Variants in TASP1 observed in about 807,000 individuals in gnomAD.
TASP1 encodes the protein threonine aspartase 1.
TASP1 carries 16 observed loss-of-function variants against 56.6 expected under a neutral mutation model. The ratio of observed to expected loss-of-function variants is 0.28; its 90% CI spans 0.19 to 0.43. TASP1 has a LOEUF of 0.43. TASP1 is among the 20% of genes least tolerant of loss of function. TASP1 has a pLI of 1.00. For missense variants in TASP1, 393 were observed against 511.6 expected, an observed-to-expected ratio of 0.77 and a Z score of 2.24; for synonymous variants, 179 against 184.2, an observed-to-expected ratio of 0.97 and a Z score of 0.23.
the TASP1 span, among the ~76,000 whole-genome samples, chr20:13,242,090 G>A: frequency 2.0e-5 from 3 of 152,166 alleles, no homozygotes; most frequent in Non-Finnish European, 4.4e-5. Context: ...TTAAAAGAAT[G>A]GAAAGTGTCT....
At chr20:13,133,566 T>G in the TASP1 span, among the ~76,000 whole-genome samples, 1 of 152,074 alleles carries the variant, frequency 6.6e-6, no homozygotes, top group Non-Finnish European at 1.5e-5. Flanking sequence ...AAACCCCGTC[T>G]CTACTAAAAA....
At chr20:13,203,463 G>C in the TASP1 span, among the ~76,000 whole-genome samples, 1 of 152,144 alleles carries the variant, frequency 6.6e-6, no homozygotes, top group Non-Finnish European at 1.5e-5. Context: ...CAAACTTTAG[G>C]ATCTTGTTCA....
chr20:13,451,425 G>A (rs113108723), intron 11 of TASP1, among the ~76,000 whole-genome samples: 12 of 152,188 alleles, frequency 7.9e-5, no homozygotes, highest in African/African-American at 2.9e-4. Context: ...AAAATCTGTT[G>A]TTTAGTGTAG....
At chr20:13,472,791 T>C (rs994288551) in intron 11 of TASP1, among the ~76,000 whole-genome samples, 1 of 151,086 alleles carries the variant, frequency 6.6e-6, no homozygotes, top group Non-Finnish European at 1.5e-5. Flanking sequence ...TGAGATACCA[T>C]CTCACACCAG....
chr20:13,491,139 AC>A (rs2043512088), intron 10 of TASP1, among the ~76,000 whole-genome samples: 1 of 152,186 alleles, frequency 6.6e-6, no homozygotes, highest in Admixed American at 6.6e-5. Context: ...CTAAGCCTTT[AC>A]ATAGGGTAAA....
At chr20:13,257,781 T>C in the TASP1 span, among the ~76,000 whole-genome samples, 2 of 151,716 alleles carry the variant, frequency 1.3e-5, no homozygotes, top group East Asian at 1.9e-4. Flanking sequence ...GAGAATTAAA[T>C]CCACAGTGTA....
chr20:13,605,667 A>C (rs1323639297), intron 4 of TASP1, among the ~76,000 whole-genome samples: 1 of 152,162 alleles, frequency 6.6e-6, no homozygotes, highest in Non-Finnish European at 1.5e-5. Context: ...CAACAGAGTG[A>C]GACCTTTCTC....
chr20:13,603,214 A>C (rs1247361694), intron 4 of TASP1, among the ~76,000 whole-genome samples: 3 of 150,546 alleles, frequency 2.0e-5, no homozygotes, highest in Non-Finnish European at 4.4e-5. Context: ...CTGGGAGATA[A>C]ATTAAGACTC....
the TASP1 span, among the ~76,000 whole-genome samples, chr20:13,264,850 G>A: frequency 1.3e-5 from 2 of 152,312 alleles, no homozygotes; most frequent in African/African-American, 4.8e-5. Flanking sequence ...TCTCAGCAGA[G>A]CTTTCCCAAG....
chr20:13,289,338 G>T, the TASP1 span, among the ~76,000 whole-genome samples: 1 of 152,168 alleles, frequency 6.6e-6, no homozygotes, highest in East Asian at 1.9e-4. Flanking sequence ...ACAACCATCT[G>T]CAGGAAAAAG....
At chr20:13,460,122 C>T (rs2043999342) in intron 11 of TASP1, among the ~76,000 whole-genome samples, 1 of 152,144 alleles carries the variant, frequency 6.6e-6, no homozygotes, top group East Asian at 1.9e-4. Flanking sequence ...ATTTGTATCC[C>T]CTCCACTTCA....
the TASP1 span, among the ~76,000 whole-genome samples, chr20:13,369,018 G>C: frequency 6.6e-6 from 1 of 152,168 alleles, no homozygotes; most frequent in South Asian, 2.1e-4. Flanking sequence ...TATTCAGGGT[G>C]ACCTTGTGAC....
chr20:13,260,400 A>G, the TASP1 span, among the ~76,000 whole-genome samples: 3,787 of 152,308 alleles, frequency 0.025, 181 homozygotes, highest in African/African-American at 0.085. Context: ...CCTGTCAGTG[A>G]AGAAAGTCGT....
At chr20:13,340,345 T>A in the TASP1 span, among the ~76,000 whole-genome samples, 1 of 152,218 alleles carries the variant, frequency 6.6e-6, no homozygotes, top group Non-Finnish European at 1.5e-5. Flanking sequence ...TACCTCCAGA[T>A]GTTTTATCAA....
chr20:13,211,545 G>A, the TASP1 span, among the ~76,000 whole-genome samples: 2 of 152,118 alleles, frequency 1.3e-5, no homozygotes, highest in Non-Finnish European at 2.9e-5. Flanking sequence ...AATTCACTCA[G>A]TACTTCTGTT....
chr20:13,541,754 T>G (rs1227040471), intron 8 of TASP1, among the ~76,000 whole-genome samples: 3 of 151,928 alleles, frequency 2.0e-5, no homozygotes, highest in Non-Finnish European at 4.4e-5. Flanking sequence ...AATAAATAAA[T>G]GATATATTTC....
intron 4 of TASP1, among the ~76,000 whole-genome samples, chr20:13,596,818 C>T (rs1478254652): frequency 1.3e-5 from 2 of 151,850 alleles, no homozygotes; most frequent in Admixed American, 1.3e-4. Flanking sequence ...AGAGAAGAAT[C>T]AAATAGATGC....
the TASP1 span, among the ~76,000 whole-genome samples, chr20:13,285,519 C>A: frequency 2.4e-4 from 36 of 152,226 alleles, no homozygotes; most frequent in African/African-American, 8.4e-4. Flanking sequence ...GGTCCCTCCC[C>A]CTCCAGGAGG....
the TASP1 span, among the ~76,000 whole-genome samples, chr20:13,223,300 C>T: frequency 6.6e-6 from 1 of 152,062 alleles, no homozygotes; most frequent in Non-Finnish European, 1.5e-5. Flanking sequence ...CAATTTATTG[C>T]GAAAAACTTT....
Sources: gnomAD v4.1 joint callset for allele counts (sites outside exome capture counted in the v4.1 genomes callset) on GRCh38, gnomAD v4.1.1 for gene constraint, MANE v1.5 for transcripts, NCBI Gene and HGNC (gene_info 2026-07-23, HGNC 2026-07-21) for gene names.